Variants in ASIC2 observed in about 807,000 individuals in gnomAD.
ASIC2 encodes acid sensing ion channel subunit 2, also known as acid-sensing ion channel 2.
Under a neutral mutation model 57.3 loss-of-function variants are expected in ASIC2, and 25 were observed. The observed-to-expected ratio is 0.44, with a 90% confidence interval of 0.32 to 0.61. ASIC2 has a LOEUF of 0.61. Among genes scored for constraint, ASIC2 ranks in the 20% least tolerant of loss-of-function variants. ASIC2 has a pLI of 0.06. For synonymous variants in ASIC2, 319 were observed against 307.5 expected, an observed-to-expected ratio of 1.04 and a Z score of -0.39; for missense variants, 641 against 738.1, an observed-to-expected ratio of 0.87 and a Z score of 1.52.
At chr17:33,045,573 C>G (rs1370723188) in intron 3 of ASIC2, among the ~76,000 whole-genome samples, 6 of 152,078 alleles carry the variant, frequency 3.9e-5, no homozygotes, top group Non-Finnish European at 8.8e-5. Flanking sequence ...TCTCAGAGCT[C>G]AGCTTTTCTT....
chr17:33,196,901 T>C (rs564260152), intron 1 of ASIC2, among the ~76,000 whole-genome samples: 2 of 152,280 alleles, frequency 1.3e-5, no homozygotes, highest in African/African-American at 4.8e-5. Flanking sequence ...TTAGAATACA[T>C]ACTGTAAATA....
At position 34,083,793 on chromosome 17, in the gene ASIC2, T is replaced by C. The variant is rs531150898; in HGVS notation, c.555+72185A>G. ...GCCAGTGATGGTGAGCATTTTTTCA[T>C]GTGTGTTTTGGCTGCATAAATGTCT... On this transcript the variant is annotated intron_variant, in intron 1 of 9. Transcript: ENST00000359872. Among the ~76,000 whole-genome samples, 45 of 152,386 alleles carry C rather than the reference T, an allele frequency of 3.0e-4. No individual in the cohort carries two copies. In the South Asian group the frequency reaches 3.1e-3, roughly 11 times the overall value.
intron 1 of ASIC2, among the ~76,000 whole-genome samples, chr17:33,552,161 G>C (rs1915770556): frequency 6.6e-6 from 1 of 152,206 alleles, no homozygotes. Context: ...AAGGGGCCCT[G>C]AAAGGGAAAG....
At chr17:33,988,324 C>T (rs1905893487) in intron 1 of ASIC2, among the ~76,000 whole-genome samples, 2 of 152,170 alleles carry the variant, frequency 1.3e-5, no homozygotes, top group Non-Finnish European at 2.9e-5. Flanking sequence ...GGGAGCAAGT[C>T]TTTCCCATGC....
intron 1 of ASIC2, among the ~76,000 whole-genome samples, chr17:33,336,746 T>C (rs1465765407): frequency 6.6e-6 from 1 of 152,112 alleles, no homozygotes; most frequent in East Asian, 1.9e-4. Flanking sequence ...TCTCTGTCTT[T>C]CTCTCTGGCT....
At chr17:34,110,459 A>G (rs1416088821) in intron 1 of ASIC2, among the ~76,000 whole-genome samples, 1 of 152,170 alleles carries the variant, frequency 6.6e-6, no homozygotes, top group Non-Finnish European at 1.5e-5. Context: ...CCGCTGCCTC[A>G]GGATTGATCA....
At chr17:33,896,051 A>G (rs1915087154) in intron 1 of ASIC2, among the ~76,000 whole-genome samples, 1 of 152,232 alleles carries the variant, frequency 6.6e-6, no homozygotes, top group African/African-American at 2.4e-5. Context: ...ACTCAGTAGA[A>G]ACAATGTTTT....
At chr17:34,058,083 A>C (rs1440242664) in intron 1 of ASIC2, among the ~76,000 whole-genome samples, 1 of 152,232 alleles carries the variant, frequency 6.6e-6, no homozygotes, top group African/African-American at 2.4e-5. Context: ...TTGTCCAAGA[A>C]GACTTGTCAC....
intron 1 of ASIC2, among the ~76,000 whole-genome samples, chr17:33,276,625 T>C (rs1904716235): frequency 6.6e-6 from 1 of 152,218 alleles, no homozygotes; most frequent in Non-Finnish European, 1.5e-5. Context: ...TAACTCCTTT[T>C]GGAGGTATGT....
chr17:33,957,108 C>A (rs1354028157), intron 1 of ASIC2, among the ~76,000 whole-genome samples: 1 of 152,200 alleles, frequency 6.6e-6, no homozygotes, highest in Non-Finnish European at 1.5e-5. Context: ...TTGGTAATGA[C>A]CTCCAGGAGG....
intron 1 of ASIC2, among the ~76,000 whole-genome samples, chr17:33,523,125 T>G (rs879851281): frequency 6.6e-6 from 1 of 152,264 alleles, no homozygotes; most frequent in Non-Finnish European, 1.5e-5. Flanking sequence ...CGTTCTGTGA[T>G]GAAGGACCCT....
intron 1 of ASIC2, among the ~76,000 whole-genome samples, chr17:33,237,013 G>C (rs979147274): frequency 6.6e-6 from 1 of 152,176 alleles, no homozygotes. Context: ...GGAGATGAAG[G>C]GTTCACTGGC....
intron 1 of ASIC2, among the ~76,000 whole-genome samples, chr17:33,841,889 G>A (rs1358980298): frequency 6.6e-6 from 1 of 152,190 alleles, no homozygotes; most frequent in Non-Finnish European, 1.5e-5. Flanking sequence ...ACATACACAG[G>A]AGAGAGTCCA....
chr17:33,438,328 T>C (rs1911700683), intron 1 of ASIC2, among the ~76,000 whole-genome samples: 2 of 152,298 alleles, frequency 1.3e-5, no homozygotes, highest in South Asian at 2.1e-4. Context: ...TGTTCAATGA[T>C]TGTGCAAGCC....
chr17:34,140,805 T>C (rs999069508), intron 1 of ASIC2, among the ~76,000 whole-genome samples: 7 of 152,174 alleles, frequency 4.6e-5, no homozygotes, highest in Admixed American at 6.5e-5. Context: ...GAAAACCAAC[T>C]AATAAATGTA....
At chr17:34,047,506 CAGAAAAAAAAAAAAA>C (rs1208992924) in intron 1 of ASIC2, among the ~76,000 whole-genome samples, 2 of 68,314 alleles carry the variant, frequency 2.9e-5, no homozygotes, top group African/African-American at 4.7e-5. Context: ...CACCTTTCTC[CAGAAAAAAAAAAAAA>C]AAAAAAAAAA....
chr17:34,111,024 A>C (rs1285979641), intron 1 of ASIC2, among the ~76,000 whole-genome samples: 1 of 151,956 alleles, frequency 6.6e-6, no homozygotes, highest in African/African-American at 2.4e-5. Context: ...AGGAGTTCGA[A>C]ACCAGCCTGG....
intron 6 of ASIC2, among the ~76,000 whole-genome samples, chr17:33,021,874 C>T (rs1375958142): frequency 7.2e-5 from 11 of 152,154 alleles, no homozygotes; most frequent in South Asian, 4.1e-4. Flanking sequence ...AGAAGCACCG[C>T]GGCTTGCTTT....
At chr17:33,129,694 T>C (rs935197772) in intron 1 of ASIC2, among the ~76,000 whole-genome samples, 2 of 152,160 alleles carry the variant, frequency 1.3e-5, no homozygotes, top group Non-Finnish European at 1.5e-5. Context: ...GAATGTGTGT[T>C]CTGAGCTAGA....
Sources: allele counts gnomAD v4.1 joint callset (sites outside exome capture counted in the v4.1 genomes callset), GRCh38; gene constraint gnomAD v4.1.1; transcripts MANE v1.5; gene names NCBI Gene and HGNC (gene_info 2026-07-23, HGNC 2026-07-21).